The following SLC35G6 variants were observed in gnomAD, a reference collection of about 807,000 sequenced individuals.
SLC35G6 encodes solute carrier family 35 member G6.
A neutral mutation model predicts 20.3 loss-of-function variants in SLC35G6; 18 were observed. That is an observed-to-expected ratio of 0.88 (90% CI 0.61 to 1.31). The LOEUF (loss-of-function observed/expected upper bound fraction) is 1.31. Ranked by LOEUF, SLC35G6 falls within the 40% of genes most tolerant of loss-of-function variation. SLC35G6 has a pLI of 0.00. For synonymous variants in SLC35G6, 156 were observed against 200.9 expected (o/e 0.78, Z 1.89); for missense variants, 372 against 433.4 (o/e 0.86, Z 1.26).
Position 7,483,238 on chromosome 17 carries a change from G to A in SLC35G6, c.*237G>A. 1 of 777,962 alleles carries A rather than the reference G, an allele frequency of 1.3e-6. No individual in the cohort carries two copies. The highest frequency in any genetic ancestry group is 2.0e-6 in the Non-Finnish European group (1 of 503,958). 48.2% of individuals were successfully genotyped at this position (777,962 alleles called of 1,614,324 possible). On this transcript the variant is annotated 3_prime_UTR_variant, in exon 2 of 2. Coordinates refer to ENST00000412468, the MANE Select transcript of SLC35G6 (RefSeq NM_001102614.2). ...GTCCTGGAATCAGGGCATAACTAAGGGGTAAAGTCTGAGGAGCAGATCCAA... is the reference window on the plus strand; with the variant it reads ...GTCCTGGAATCAGGGCATAACTAAGAGGTAAAGTCTGAGGAGCAGATCCAA...
chr17:7,481,907 G>C, intron 1 of SLC35G6, 81 bp from the exon 2 acceptor site: 1 of 1,520,814 alleles, frequency 6.6e-7, no homozygotes, highest in Non-Finnish European at 8.8e-7. Context: ...CAGGGTCCCA[G>C]ACCCCATCCT....
At chr17:7,481,621 A>G (rs1450664761) in intron 1 of SLC35G6, 102 bp downstream of exon 1, 1 of 814,528 alleles carries the variant, frequency 1.2e-6, no homozygotes, top group Non-Finnish European at 1.8e-6. Context: ...GATACCCACA[A>G]ATAGAATTCA....
rs768202573 is a variant in SLC35G6, at chr17:7,482,603, C to T, written c.619C>T (p.Leu207Phe). 2 of 1,612,148 alleles carry T rather than the reference C, an allele frequency of 1.2e-6. No homozygotes were observed. The highest frequency in any genetic ancestry group is 1.7e-6 in the Non-Finnish European group (2 of 1,179,918). Residue 207 changes from leucine (L) to phenylalanine (F), a missense_variant, in exon 2 of 2, where the codon CTT becomes TTT. By Grantham distance (22) the Leu-to-Phe change is conservative (BLOSUM62 0). Transcript: ENST00000412468. Reference sequence around the variant, plus strand: ...GGGAGGACTGGCGCTGTCCCTGGGGCTTCTGGTCTATCGTTCTCTGCACTT... The same window carrying T: ...GGGAGGACTGGCGCTGTCCCTGGGGTTTCTGGTCTATCGTTCTCTGCACTT... ...FVGGLALSLG[L>F]LVYRSLHFPS...
chr17:7,483,175 G>A lies in SLC35G6; in HGVS notation c.*174G>A, dbSNP rs565534557. On this transcript the variant is annotated 3_prime_UTR_variant, in exon 2 of 2. Coordinates refer to ENST00000412468, the MANE Select transcript of SLC35G6 (RefSeq NM_001102614.2). ...GAGAGGGACTACCTGGAAGACCTGG[G>A]GCCAGCCTGGGACCAAGGGATGTGG... The A allele has an allele frequency of 1.0e-3, 1,307 of 1,260,220 alleles. 24 individuals carry two copies. The South Asian group carries it at 0.019, about 18-fold the overall frequency. The allele number at this position is 1,260,220 out of a possible 1,614,324, so 78.1% of individuals were successfully genotyped here.
rs1318894034 is a variant in SLC35G6 at position 7,482,391 on chromosome 17, G to T, written c.407G>T (p.Gly136Val). The change falls in exon 2 of 2, where the codon GGT becomes GTT. Residue 136 changes from glycine to valine, a missense_variant. By Grantham distance (109) the Gly-to-Val change is moderately radical. Coordinates refer to ENST00000412468, the MANE Select transcript of SLC35G6 (RefSeq NM_001102614.2). ...PAGNAATVRK[G>V]SSTVCSAVLT... ...GGCAACGCTGCCACTGTTCGCAAAGGTTCTTCCACCGTCTGCTCCGCCGTC... is the reference window on the plus strand; with the variant it reads ...GGCAACGCTGCCACTGTTCGCAAAGTTTCTTCCACCGTCTGCTCCGCCGTC... The T allele has an allele frequency of 6.2e-7, 1 of 1,613,994 alleles. No individual in the cohort carries two copies. The highest frequency in any genetic ancestry group is 8.5e-7 in the Non-Finnish European group (1 of 1,179,864).
Position 7,483,142 on chromosome 17 carries a change from A to G in SLC35G6, c.*141A>G, listed in dbSNP as rs919554261. The G allele has an allele frequency of 2.2e-4, 324 of 1,453,632 alleles. 2 individuals are homozygous for G. The highest frequency in any genetic ancestry group is 6.9e-5 in the Non-Finnish European group (75 of 1,084,390). The allele number at this position is 1,453,632 out of a possible 1,614,324, so 90.0% of individuals were successfully genotyped here. On this transcript the variant is annotated 3_prime_UTR_variant, in exon 2 of 2. Transcript: ENST00000412468. ...TCTCAGAGTCAAGGGTGACTTGGGGACTTGGTGGAGAGGGACTACCTGGAA... is the reference window on the plus strand; with the variant it reads ...TCTCAGAGTCAAGGGTGACTTGGGGGCTTGGTGGAGAGGGACTACCTGGAA...
intron 1 of SLC35G6, 133 bp from the exon 2 acceptor site, chr17:7,481,855 G>T (rs8065577): frequency 7.6e-7 from 1 of 1,311,968 alleles, no homozygotes; most frequent in South Asian, 1.5e-5. Context: ...TTCTAGCTCC[G>T]AAGAGTTCCT....
rs532102930 is a variant in SLC35G6, at chr17:7,482,550, C to A, written c.566C>A (p.Thr189Asn). Reference sequence around the variant, plus strand: ...CAGGAGGGGATCACGGGTGTCTACACCGCCCTGGGCTATGGGCAGGCTTTC... The same window carrying A: ...CAGGAGGGGATCACGGGTGTCTACAACGCCCTGGGCTATGGGCAGGCTTTC... The part of the protein sequence containing the change: ...TLQEGITGVY[T>N]ALGYGQAFVG... The change falls in exon 2 of 2, where the codon ACC becomes AAC. Residue 189 changes from threonine to asparagine, a missense_variant. Thr to Asn is a moderately conservative substitution (Grantham distance 65). Coordinates refer to ENST00000412468, the MANE Select transcript of SLC35G6 (RefSeq NM_001102614.2). 406 of 1,612,574 alleles carry A rather than the reference C, an allele frequency of 2.5e-4. No individual in the cohort carries two copies. The highest frequency in any genetic ancestry group is 3.2e-4 in the Non-Finnish European group (382 of 1,179,958).
Position 7,482,044 on chromosome 17 carries a change from C to G in SLC35G6, c.60C>G (p.Ser20=). Reference sequence around the variant, plus strand: ...ACTCCACACACCCATCGCCGCCCTCCGCTCCACCCAGCCTCCGCTGGCACC... The same window carrying G: ...ACTCCACACACCCATCGCCGCCCTCGGCTCCACCCAGCCTCCGCTGGCACC... ...PPDSTHPSPP[S]APPSLRWHQC... is the part of the protein sequence containing the mutation. Residue 20 remains serine, a synonymous_variant, in exon 2 of 2, where the codon TCC becomes TCG. Coordinates refer to ENST00000412468, the MANE Select transcript of SLC35G6 (RefSeq NM_001102614.2). 6.2e-7 allele frequency: 1 copy of G among 1,613,196 alleles called. No homozygotes were observed. The highest frequency in any genetic ancestry group is 2.2e-5 in the East Asian group (1 of 44,858).
At position 7,482,661 on chromosome 17, in the gene SLC35G6, C is replaced by T. The variant is rs2070361199; in HGVS notation, c.677C>T (p.Ser226Phe). 1 of 1,611,960 alleles carries T rather than the reference C, an allele frequency of 6.2e-7. No homozygotes were observed. Among genetic ancestry groups the T allele is most frequent in the African/African-American group, 1.3e-5 (1 of 74,872 alleles). The change falls in exon 2 of 2, where the codon TCT (serine) becomes TTT (phenylalanine). Residue 226 changes from serine (S) to phenylalanine (F), a missense_variant. Ser to Phe is a radical substitution (Grantham distance 155, BLOSUM62 -2). Transcript: ENST00000412468. ...PSCLPTVAFL[S>F]GLVGLLGSVP... ...TGCCTCCCAACAGTGGCCTTCCTAT[C>T]TGGCTTGGTGGGGCTGCTGGGCTCT...
At chr17:7,481,581 C>A in intron 1 of SLC35G6, 62 bp downstream of exon 1, 1 of 1,243,918 alleles carries the variant, frequency 8.0e-7, no homozygotes, top group East Asian at 2.6e-5. Flanking sequence ...CTCCATTTCC[C>A]CTCCTTTCCT....
In SLC35G6 at chr17:7,482,571, C is replaced by A. The variant is rs745756962; in HGVS notation, c.587C>A (p.Ala196Asp). The A allele has an allele frequency of 6.2e-7, 1 of 1,612,402 alleles. No homozygotes were observed. The highest frequency in any genetic ancestry group is 2.2e-5 in the East Asian group (1 of 44,882). Residue 196 changes from alanine to aspartate, a missense_variant, in exon 2 of 2, where the codon GCT (alanine) becomes GAT (aspartate). Physicochemically the swap from Ala to Asp is moderately radical, Grantham distance 126 (BLOSUM62 -2). Transcript: ENST00000412468. ...GVYTALGYGQ[A>D]FVGGLALSLG... ...TACACCGCCCTGGGCTATGGGCAGGCTTTCGTGGGAGGACTGGCGCTGTCC... is the reference window on the plus strand; with the variant it reads ...TACACCGCCCTGGGCTATGGGCAGGATTTCGTGGGAGGACTGGCGCTGTCC...
chr17:7,482,841 T>C lies in SLC35G6; in HGVS notation c.857T>C (p.Leu286Pro), dbSNP rs746036622. The change falls in exon 2 of 2, where the codon CTG becomes CCG. Residue 286 changes from leucine to proline, a missense_variant. Physicochemically the swap from Leu to Pro is moderately conservative, Grantham distance 98 (BLOSUM62 -3). Coordinates refer to ENST00000412468, the MANE Select transcript of SLC35G6 (RefSeq NM_001102614.2). ...CACCCTGCCCTGGTGTGCGCTGTCC[T>C]GCATTCCGAGGTGGTGGTGGCCCTT... ...KAHPALVCAVLHSEVVVALIL... is the reference protein window; with the variant it reads ...KAHPALVCAVPHSEVVVALIL... 1.2e-6 allele frequency: 2 copies of C among 1,612,094 alleles called. No homozygotes were observed. Among genetic ancestry groups the C allele is most frequent in the East Asian group, 2.2e-5 (1 of 44,888 alleles).
Position 7,482,112 on chromosome 17 carries a change from C to G in SLC35G6, c.128C>G (p.Ala43Gly). The G allele has an allele frequency of 6.2e-7, 1 of 1,614,184 alleles. No individual in the cohort carries two copies. The highest frequency in any genetic ancestry group is 8.5e-7 in the Non-Finnish European group (1 of 1,180,026). The change falls in exon 2 of 2, where the codon GCC becomes GGC. Residue 43 changes from alanine (A) to glycine (G), a missense_variant. Ala to Gly is a moderately conservative substitution (Grantham distance 60, BLOSUM62 0). Transcript: ENST00000412468. ...PSDATNGLLVALLGGGLPAGF... is the reference protein window; with the variant it reads ...PSDATNGLLVGLLGGGLPAGF... ...GATGCCACCAATGGCCTGCTGGTGG[C>G]CCTGCTGGGTGGGGGCCTGCCTGCT...
In SLC35G6 at chr17:7,481,480, C is replaced by G. The variant is rs1398078822; in HGVS notation, c.-37C>G. ...GCTGGAGCTCTGAGGGGCCCAGGCT[C>G]CCTGAGCCAGGAGGAGAGGAGAAAG... On this transcript the variant is annotated 5_prime_UTR_variant, in exon 1 of 2. Coordinates refer to ENST00000412468, the MANE Select transcript of SLC35G6 (RefSeq NM_001102614.2). The G allele has an allele frequency of 5.3e-6, 8 of 1,515,660 alleles. No homozygotes were observed. The highest frequency in any genetic ancestry group is 6.2e-6 in the Non-Finnish European group (7 of 1,134,008). 93.9% of individuals were successfully genotyped at this position (1,515,660 alleles called of 1,614,324 possible).
rs2070353940 is a variant in SLC35G6, at chr17:7,482,233, T to C, written c.249T>C (p.Ile83=). ...GTCGATGCCTCTTCCACCTCCCTAT[T>C]GCCCTGCTACTTAAACTGCGTGGCG... ...LICRCLFHLP[I]ALLLKLRGDP... Residue 83 remains isoleucine (I), a synonymous_variant, in exon 2 of 2, where the codon ATT becomes ATC. Coordinates refer to ENST00000412468, the MANE Select transcript of SLC35G6 (RefSeq NM_001102614.2). 1 of 1,613,846 alleles carries C rather than the reference T, an allele frequency of 6.2e-7. No individual in the cohort carries two copies. The highest frequency in any genetic ancestry group is 8.5e-7 in the Non-Finnish European group (1 of 1,179,876).
chr17:7,483,069 A>G lies in SLC35G6; in HGVS notation c.*68A>G. ...ATAGAGGCAAAGACTGAAGACAAACATGGGAGGAGAAGTGACTGGAAAAGA... is the reference window on the plus strand; with the variant it reads ...ATAGAGGCAAAGACTGAAGACAAACGTGGGAGGAGAAGTGACTGGAAAAGA... On this transcript the variant is annotated 3_prime_UTR_variant, in exon 2 of 2. Transcript: ENST00000412468. 1 of 1,603,000 alleles carries G rather than the reference A, an allele frequency of 6.2e-7. No individual in the cohort carries two copies. Among genetic ancestry groups the G allele is most frequent in the East Asian group, 2.2e-5 (1 of 44,690 alleles).
chr17:7,481,576 T>G (rs1259727707), intron 1 of SLC35G6, 57 bp downstream of exon 1: 4 of 1,244,150 alleles, frequency 3.2e-6, no homozygotes, highest in Non-Finnish European at 4.4e-6. Flanking sequence ...GGTTGCTCCA[T>G]TTCCCCTCCT....
At position 7,482,968 on chromosome 17, in the gene SLC35G6, C is replaced by T; in HGVS notation, c.984C>T (p.Leu328=). 1 of 1,611,910 alleles carries T rather than the reference C, an allele frequency of 6.2e-7. No individual in the cohort carries two copies. The highest frequency in any genetic ancestry group is 8.5e-7 in the Non-Finnish European group (1 of 1,179,822). Residue 328 remains leucine (L), a synonymous_variant, in exon 2 of 2, where the codon CTC becomes CTT. Coordinates refer to ENST00000412468, the MANE Select transcript of SLC35G6 (RefSeq NM_001102614.2). ...TTGCCATCATCACAGCCTGGAACCT[C>T]AGCTGTGAGAGGGAAGGGAAGGTGG... ...GSIAIITAWN[L]SCEREGKVEE
Sources: allele counts gnomAD v4.1 joint callset, GRCh38; gene constraint gnomAD v4.1.1; transcripts MANE v1.5; gene names NCBI Gene and HGNC (gene_info 2026-07-23, HGNC 2026-07-21).